Variants in RERE observed in about 807,000 individuals in gnomAD.
RERE encodes the protein arginine-glutamic acid dipeptide repeats.
RERE carries 40 observed loss-of-function variants against 146.1 expected under a neutral mutation model. The ratio of observed to expected loss-of-function variants is 0.27; its 90% CI spans 0.21 to 0.36. The LOEUF (loss-of-function observed/expected upper bound fraction) is 0.36, where lower values mean the gene tolerates loss of function less well. Among genes scored for constraint, RERE ranks in the 10% least tolerant of loss-of-function variants. RERE has a pLI of 1.00. For synonymous variants in RERE, 1,003 were observed against 866.0 expected (o/e 1.16, Z -2.78); for missense variants, 1,933 against 2,138.7 (o/e 0.90, Z 1.90).
Position 8,655,960 on chromosome 1 carries a change from T to A in RERE, c.325+13A>T, listed in dbSNP as rs772505960. 36 of 1,609,776 alleles carry A rather than the reference T, an allele frequency of 2.2e-5. No homozygotes were observed. Among genetic ancestry groups the A allele is most frequent in the Non-Finnish European group, 2.8e-5 (33 of 1,178,012 alleles). ...TGTAAACATTGGCAAGACCCAAACG[T>A]AAGGCTCCTTACCTCCTGGTCTGTA... is the stretch of plus-strand genomic sequence containing the variant. On this transcript the variant is annotated intron_variant, in intron 2 of 22. Transcript: ENST00000400908.
At chr1:8,722,858 C>T (rs966380559) in intron 1 of RERE, among the ~76,000 whole-genome samples, 1 of 152,088 alleles carries the variant, frequency 6.6e-6, no homozygotes, top group African/African-American at 2.4e-5. Flanking sequence ...TGGTACCCAC[C>T]GATGGTCCTG....
chr1:8,671,027 A>T (rs761425886), intron 1 of RERE, among the ~76,000 whole-genome samples: 1 of 152,236 alleles, frequency 6.6e-6, no homozygotes, highest in East Asian at 1.9e-4. Flanking sequence ...AAGCAACTAC[A>T]GTCATTTACT....
intron 15 of RERE, 82 bp downstream of exon 15, chr1:8,363,974 C>T (rs536976455): frequency 7.6e-7 from 1 of 1,316,624 alleles, no homozygotes; most frequent in African/African-American, 1.5e-5. Flanking sequence ...CTTTCGCTTC[C>T]TCCCCCTGGG....
intron 1 of RERE, among the ~76,000 whole-genome samples, chr1:8,687,866 C>T (rs1639125474): frequency 6.6e-6 from 1 of 152,146 alleles, no homozygotes; most frequent in African/African-American, 2.4e-5. Context: ...TATTCTTATT[C>T]ACAGAAGTAC....
chr1:8,401,696 G>C (rs1382110212), intron 12 of RERE, among the ~76,000 whole-genome samples: 1 of 150,730 alleles, frequency 6.6e-6, no homozygotes, highest in African/African-American at 2.4e-5. Context: ...GGAGGTCGAG[G>C]CTGCAGTGAG....
At chr1:8,502,271 C>T (rs1271543434) in intron 8 of RERE, among the ~76,000 whole-genome samples, 8 of 116,664 alleles carry the variant, frequency 6.9e-5, no homozygotes, top group South Asian at 3.1e-4. Flanking sequence ...CGCCTCTGCC[C>T]GGCCGCCCCT....
intron 1 of RERE, among the ~76,000 whole-genome samples, chr1:8,669,187 C>G (rs1232025230): frequency 2.0e-5 from 3 of 147,378 alleles, no homozygotes; most frequent in Non-Finnish European, 2.9e-5. Context: ...ATACCCCCCC[C>G]AACTCGGCCT....
At chr1:8,585,928 C>T (rs1257793256) in intron 4 of RERE, among the ~76,000 whole-genome samples, 1 of 152,100 alleles carries the variant, frequency 6.6e-6, no homozygotes. Context: ...TTAATGGATA[C>T]AGGCTAACAA....
At chr1:8,801,222 T>C (rs1641585756) in intron 1 of RERE, among the ~76,000 whole-genome samples, 2 of 151,982 alleles carry the variant, frequency 1.3e-5, no homozygotes, top group South Asian at 4.1e-4. Context: ...ATCGCGCCAC[T>C]GCACTCCAAC....
At chr1:8,391,789 A>T (rs1286702028) in intron 12 of RERE, among the ~76,000 whole-genome samples, 3 of 152,140 alleles carry the variant, frequency 2.0e-5, no homozygotes, top group African/African-American at 4.8e-5. Flanking sequence ...TAATTCCAGC[A>T]CTTTGGAAGG....
At chr1:8,762,231 G>A (rs1000373578) in intron 1 of RERE, among the ~76,000 whole-genome samples, 3 of 152,156 alleles carry the variant, frequency 2.0e-5, no homozygotes, top group Non-Finnish European at 2.9e-5. Context: ...CCTATCACAA[G>A]TACCTGTACT....
intron 1 of RERE, among the ~76,000 whole-genome samples, chr1:8,784,694 G>A (rs1641229709): frequency 1.3e-5 from 2 of 152,086 alleles, no homozygotes; most frequent in Admixed American, 1.3e-4. Flanking sequence ...TTAAGGAAAA[G>A]GGAATTCTAT....
chr1:8,771,690 C>G (rs1640954536), intron 1 of RERE, among the ~76,000 whole-genome samples: 1 of 151,930 alleles, frequency 6.6e-6, no homozygotes, highest in African/African-American at 2.4e-5. Flanking sequence ...GCAGGCAGAT[C>G]ACGAGGTCAG....
intron 1 of RERE, among the ~76,000 whole-genome samples, chr1:8,809,157 A>AAAAAAAAAAAAATAAAAAAAAT (rs985140466): frequency 6.8e-6 from 1 of 146,120 alleles, no homozygotes; most frequent in African/African-American, 2.8e-5. Context: ...AAAAAAAAAA[A>AAAAAAAAAAAAATAAAAAAAAT]AAAGTACTGA....
chr1:8,459,014 C>T (rs1034658255), intron 11 of RERE, among the ~76,000 whole-genome samples: 2 of 152,254 alleles, frequency 1.3e-5, no homozygotes, highest in Non-Finnish European at 2.9e-5. Context: ...ACAGAACTGA[C>T]TGCCTTACAC....
intron 7 of RERE, among the ~76,000 whole-genome samples, chr1:8,538,830 G>C (rs1169979614): frequency 1.3e-5 from 2 of 152,200 alleles, no homozygotes; most frequent in Non-Finnish European, 2.9e-5. Context: ...GATCCTGTAA[G>C]TGTGCTGCTA....
chr1:8,636,049 C>A (rs1489681493), intron 2 of RERE, among the ~76,000 whole-genome samples: 1 of 151,986 alleles, frequency 6.6e-6, no homozygotes, highest in Non-Finnish European at 1.5e-5. Context: ...AGTGCAATGG[C>A]GCGATCTCAG....
intron 12 of RERE, among the ~76,000 whole-genome samples, chr1:8,395,096 CTGTAA>C (rs1232102845): frequency 6.6e-6 from 1 of 152,140 alleles, no homozygotes; most frequent in African/African-American, 2.4e-5. Flanking sequence ...CTAGTATTTC[CTGTAA>C]TAAGATATTG....
intron 12 of RERE, among the ~76,000 whole-genome samples, chr1:8,374,381 C>T (rs1172033630): frequency 2.0e-5 from 3 of 151,350 alleles, no homozygotes. Flanking sequence ...TTTTTTTTTA[C>T]CACTACATTT....
Sources: allele counts gnomAD v4.1 joint callset (sites outside exome capture counted in the v4.1 genomes callset), GRCh38; gene constraint gnomAD v4.1.1; transcripts MANE v1.5; gene names NCBI Gene and HGNC (gene_info 2026-07-23, HGNC 2026-07-21).